Variants in LOXHD1 observed in about 807,000 individuals in gnomAD.
The protein encoded by LOXHD1 is lipoxygenase homology PLAT domains 1, also known as lipoxygenase homology domain-containing protein 1.
Under a neutral mutation model 248.2 loss-of-function variants are expected in LOXHD1, and 205 were observed. The ratio of observed to expected loss-of-function variants is 0.83; its 90% CI spans 0.74 to 0.93. The LOEUF (loss-of-function observed/expected upper bound fraction) is 0.93. Among genes scored for constraint, LOXHD1 ranks in the 40% least tolerant of loss-of-function variants. LOXHD1 has a pLI of 0.00. For synonymous variants in LOXHD1, 1,113 were observed against 1,162.8 expected (o/e 0.96, Z 0.87); for missense variants, 2,930 against 2,971.6 (o/e 0.99, Z 0.33).
chr18:46,637,547 C>A (rs939376291), intron 4 of LOXHD1, among the ~76,000 whole-genome samples: 1 of 152,034 alleles, frequency 6.6e-6, no homozygotes, highest in Non-Finnish European at 1.5e-5. Flanking sequence ...TGTGGAAGAA[C>A]CTATGAAATT....
At chr18:46,656,423 C>G (rs1338450155) in intron 1 of LOXHD1, among the ~76,000 whole-genome samples, 1 of 152,138 alleles carries the variant, frequency 6.6e-6, no homozygotes, top group Non-Finnish European at 1.5e-5. Context: ...CGGCCGCCTT[C>G]GACATATGGG....
Position 46,657,061 on chromosome 18 carries a change from G to A in LOXHD1, c.-28C>T, listed in dbSNP as rs1195895384. ...TGTCGGCTGCCTTCTCCCAGCGCTCGCAGGCTCACTGTGCCGCCTCCTCAC... is the reference window on the plus strand; with the variant it reads ...TGTCGGCTGCCTTCTCCCAGCGCTCACAGGCTCACTGTGCCGCCTCCTCAC... On this transcript the variant is annotated 5_prime_UTR_variant, in exon 1 of 41. Transcript: ENST00000642948. 6.1e-5 allele frequency: 95 copies of A among 1,551,150 alleles called. No homozygotes were observed. Among genetic ancestry groups the A allele is most frequent in the Non-Finnish European group, 7.2e-5 (82 of 1,146,792 alleles).
chr18:46,559,428 G>C lies in LOXHD1; in HGVS notation c.3216+20C>G. ...CCAAACCCACAGCCCCCACCCAGGG[G>C]CCAGAGACCCTCACCCTACCTGCCC... On this transcript the variant is annotated intron_variant, in intron 20 of 40. Coordinates refer to ENST00000642948, the MANE Select transcript of LOXHD1 (RefSeq NM_001384474.1). The C allele has an allele frequency of 6.4e-7, 1 of 1,551,954 alleles. No individual in the cohort carries two copies. The highest frequency in any genetic ancestry group is 1.2e-5 in the South Asian group (1 of 84,038).
chr18:46,635,389 GC>G (rs1382783996), intron 4 of LOXHD1, among the ~76,000 whole-genome samples: 1 of 152,142 alleles, frequency 6.6e-6, no homozygotes, highest in African/African-American at 2.4e-5. Flanking sequence ...CAGACTAATT[GC>G]CCTTGGTCAT....
At chr18:46,568,016 T>C (rs1054531760) in intron 16 of LOXHD1, among the ~76,000 whole-genome samples, 9 of 152,232 alleles carry the variant, frequency 5.9e-5, no homozygotes, top group African/African-American at 2.2e-4. Context: ...TCTGCAATTA[T>C]TGATTCAGCT....
chr18:46,488,707 C>T (rs1295458264), intron 38 of LOXHD1, among the ~76,000 whole-genome samples: 2 of 152,202 alleles, frequency 1.3e-5, no homozygotes, highest in Non-Finnish European at 2.9e-5. Flanking sequence ...CCAAACCACC[C>T]AGCTCAGCCT....
In LOXHD1 at chr18:46,561,367, G is replaced by A. The variant is rs116342712; in HGVS notation, c.2599-822C>T. Among the ~76,000 whole-genome samples the A allele has an allele frequency of 2.5e-3, 380 of 152,296 alleles. 1 individual carries two copies. Among genetic ancestry groups the A allele is most frequent in the African/African-American group, 8.5e-3 (352 of 41,566 alleles). ...AAAGGGCAGTGTTGATGGCATCATC[G>A]ACTCTAGATCATGAGACCTGAGCTC... On this transcript the variant is annotated intron_variant, in intron 18 of 40. Coordinates refer to ENST00000642948, the MANE Select transcript of LOXHD1 (RefSeq NM_001384474.1).
rs2144280015 is a variant in LOXHD1, at chr18:46,534,416, C to A, written c.4131G>T (p.Arg1377=). The A allele has an allele frequency of 6.4e-7, 1 of 1,551,678 alleles. No homozygotes were observed. Among genetic ancestry groups the A allele is most frequent in the Non-Finnish European group, 8.7e-7 (1 of 1,146,990 alleles). ...EDVGEIIEKI[R]IGHNNTGMNP... ...TCATGCCCGTGTTATTATGGCCAATCCGAATTTTTTCAATGATTTCTCCCA... is the reference window on the plus strand; with the variant it reads ...TCATGCCCGTGTTATTATGGCCAATACGAATTTTTTCAATGATTTCTCCCA... The change falls in exon 27 of 41, where the codon CGG becomes CGT. Residue 1377 remains arginine, a synonymous_variant. Transcript: ENST00000642948.
intron 12 of LOXHD1, among the ~76,000 whole-genome samples, chr18:46,581,647 C>A (rs2037964652): frequency 6.6e-6 from 1 of 151,964 alleles, no homozygotes; most frequent in Admixed American, 6.6e-5. Context: ...AAATAATGGT[C>A]AAAACTTCCC....
Position 46,541,900 on chromosome 18 carries a change from A to G in LOXHD1, c.3789T>C (p.Asp1263=), listed in dbSNP as rs1336105184. ...PGWFVDWVEV[D]APSLGKCMTF... ...TCATGCACTTCCCAAGAGATGGGGC[A>G]TCCACCTCTACCCAGTCTACAAACC... The change falls in exon 25 of 41, where the codon GAT becomes GAC. Residue 1263 remains aspartate, a synonymous_variant. Transcript: ENST00000642948. The G allele has an allele frequency of 6.4e-7, 1 of 1,551,724 alleles. No individual in the cohort carries two copies. Among genetic ancestry groups the G allele is most frequent in the Non-Finnish European group, 8.7e-7 (1 of 1,146,986 alleles).
chr18:46,544,819 A>T (rs1361923372), intron 23 of LOXHD1: 1 of 471,332 alleles, frequency 2.1e-6, no homozygotes, highest in East Asian at 6.9e-5. Context: ...TTCTTCAATA[A>T]TGCTTGGCAC....
rs1568136368 is a variant in LOXHD1, at chr18:46,524,572, G to T, written c.4770C>A (p.Cys1590Ter). ...KEYTGDRSSN[C>*]SSPADFWEIA... ...TCTCCCAGAAGTCAGCAGGGCTGCTGCAGTTGCTGCTGCGGTCCCCAGTGT... is the reference window on the plus strand; with the variant it reads ...TCTCCCAGAAGTCAGCAGGGCTGCTTCAGTTGCTGCTGCGGTCCCCAGTGT... The change falls in exon 31 of 41, where the codon TGC (cysteine) becomes TGA (stop). Residue 1590 changes from cysteine (C) to a stop codon, truncating the protein, a stop_gained. Transcript: ENST00000642948. LOFTEE classifies it high-confidence loss of function. The T allele has an allele frequency of 6.4e-7, 1 of 1,551,642 alleles. No homozygotes were observed. Among genetic ancestry groups the T allele is most frequent in the African/African-American group, 1.4e-5 (1 of 73,064 alleles).
In LOXHD1 at chr18:46,560,489, C is replaced by T. The variant is rs371763582; in HGVS notation, c.2655G>A (p.Glu885=). Residue 885 remains glutamate (E), a synonymous_variant, in exon 19 of 41, where the codon GAG becomes GAA. Transcript: ENST00000642948. ...VYKLRLGHTG[E]GFGPSWFVDT... The stretch of plus-strand genomic sequence containing the variant: ...CCACGAACCAGCTGGGCCCAAAGCC[C>T]TCGCCCGTGTGCCCGAGCCGGAGCT... 33 of 1,538,680 alleles carry T rather than the reference C, an allele frequency of 2.1e-5. No individual in the cohort carries two copies. In the African/African-American group the frequency reaches 4.4e-4, roughly 20 times the overall value.
chr18:46,550,579 C>CAAAAA lies in LOXHD1; in HGVS notation c.3351-3526_3351-3522dup, dbSNP rs754046200. ...TGGGCGACAGAGCGAGACTCCGTCT[C>CAAAAA]AAAAAAAAAAAAAAAAAAAAAAGAG... is the stretch of plus-strand genomic sequence containing the variant. On this transcript the variant is annotated intron_variant, in intron 21 of 40. Transcript: ENST00000642948. Among the ~76,000 whole-genome samples the CAAAAA allele has an allele frequency of 2.9e-3, 131 of 45,470 alleles. 6 individuals carry two copies. The highest frequency in any genetic ancestry group is 8.5e-3 in the African/African-American group (114 of 13,464). The allele number at this position is 45,470 out of a possible 152,430, so 29.8% of individuals were successfully genotyped here. A position where few individuals can be genotyped will look rare whatever the true frequency, so the allele number is the denominator to read the frequency against.
intron 1 of LOXHD1, among the ~76,000 whole-genome samples, chr18:46,652,851 T>C (rs763383960): frequency 6.6e-5 from 10 of 152,058 alleles, no homozygotes; most frequent in Non-Finnish European, 1.3e-4. Flanking sequence ...TAATCAGCAA[T>C]AAAAAAGAAC....
chr18:46,560,699 C>A (rs2037508329), intron 18 of LOXHD1, among the ~76,000 whole-genome samples, 154 bp from the exon 19 acceptor site: 1 of 152,190 alleles, frequency 6.6e-6, no homozygotes, highest in East Asian at 1.9e-4. Flanking sequence ...CTTCCACCAC[C>A]TCCCTCTCTC....
At chr18:46,565,215 T>A (rs2037614437) in intron 17 of LOXHD1, among the ~76,000 whole-genome samples, 1 of 151,594 alleles carries the variant, frequency 6.6e-6, no homozygotes, top group Admixed American at 6.6e-5. Context: ...GAGCTGAGAT[T>A]GTGCCACTGC....
At chr18:46,500,681 T>G (rs2034169049) in intron 37 of LOXHD1, among the ~76,000 whole-genome samples, 1 of 152,186 alleles carries the variant, frequency 6.6e-6, no homozygotes, top group Non-Finnish European at 1.5e-5. Context: ...TGGCTTACAA[T>G]ATTATGCATG....
intron 4 of LOXHD1, among the ~76,000 whole-genome samples, chr18:46,628,641 G>A (rs2038778221): frequency 6.6e-6 from 1 of 152,202 alleles, no homozygotes; most frequent in African/African-American, 2.4e-5. Flanking sequence ...TACTTTCTGA[G>A]AGGTTAGAAT....
Sources: allele counts gnomAD v4.1 joint callset (sites outside exome capture counted in the v4.1 genomes callset), GRCh38; gene constraint gnomAD v4.1.1; transcripts MANE v1.5; gene names NCBI Gene and HGNC (gene_info 2026-07-23, HGNC 2026-07-21).